HDGFL3: variants seen among roughly 807,000 people sequenced by gnomAD.
HDGFL3 encodes hepatoma-derived growth factor-related protein 3.
HDGFL3 carries 6 observed loss-of-function variants against 27.6 expected under a neutral mutation model. The ratio of observed to expected loss-of-function variants is 0.22; its 90% confidence interval spans 0.12 to 0.43. The LOEUF is 0.43. HDGFL3 is among the 20% of genes least tolerant of loss of function. The pLI is 1.00. For synonymous variants in HDGFL3, 88 were observed against 88.9 expected (o/e 0.99, Z 0.05); for missense variants, 207 against 250.1 (o/e 0.83, Z 1.16).
intron 2 of HDGFL3, among the ~76,000 whole-genome samples, chr15:83,161,433 T>G (rs2037099926): frequency 6.6e-6 from 1 of 152,192 alleles, no homozygotes; most frequent in Non-Finnish European, 1.5e-5. Context: ...AGTGCTGGTA[T>G]TACAGGCATG....
At chr15:83,125,598 C>T (rs1452169332), downstream of HDGFL3, among the ~76,000 whole-genome samples, 1 of 152,174 alleles carries the variant, frequency 6.6e-6, no homozygotes, top group Non-Finnish European at 1.5e-5. Flanking sequence ...TGATCCTTCA[C>T]AATGCCCCAA....
At chr15:83,123,036 A>G (rs1470914696), downstream of HDGFL3, among the ~76,000 whole-genome samples, 1 of 152,200 alleles carries the variant, frequency 6.6e-6, no homozygotes. Context: ...TTACGTATTA[A>G]TTAATGTAGG....
intron 1 of HDGFL3, among the ~76,000 whole-genome samples, chr15:83,203,347 G>C (rs564389873): frequency 6.6e-6 from 1 of 152,066 alleles, no homozygotes; most frequent in African/African-American, 2.4e-5. Context: ...TATGCAAGTT[G>C]ACACTATTAA....
rs138790260 is a variant in HDGFL3 at position 83,144,465 on chromosome 15, G to C, written c.607-5190C>G. On this transcript the variant is annotated intron_variant, in intron 5 of 5. Transcript: ENST00000299633. ...TTCTGAGATTAGGTTACAAAAGACTGACTTCTGTTTGCCAGCACTCTCTCT... is the reference window on the plus strand; with the variant it reads ...TTCTGAGATTAGGTTACAAAAGACTCACTTCTGTTTGCCAGCACTCTCTCT... The C allele has an allele frequency of 3.1e-5, 14 of 456,096 alleles. No homozygotes were observed. In the East Asian group the frequency reaches 9.7e-4, roughly 32 times the overall value. The allele number at this position is 456,096 out of a possible 1,614,324, so 28.3% of individuals were successfully genotyped here. A position where few individuals can be genotyped will look rare whatever the true frequency, so the allele number is the denominator to read the frequency against.
intron 1 of HDGFL3, among the ~76,000 whole-genome samples, chr15:83,177,999 TTCA>T (rs1241780457): frequency 6.6e-6 from 1 of 152,236 alleles, no homozygotes; most frequent in Non-Finnish European, 1.5e-5. Context: ...ATTAGTTTTG[TTCA>T]TCAAGTATCT....
At chr15:83,178,828 T>G (rs1381340881) in intron 1 of HDGFL3, among the ~76,000 whole-genome samples, 3 of 152,214 alleles carry the variant, frequency 2.0e-5, no homozygotes, top group African/African-American at 7.2e-5. Flanking sequence ...AGTGATTAAT[T>G]CTTCTCTGAT....
chr15:83,149,129 G>C (rs1314387769), intron 5 of HDGFL3, among the ~76,000 whole-genome samples: 2 of 152,006 alleles, frequency 1.3e-5, no homozygotes, highest in African/African-American at 4.8e-5. Flanking sequence ...TGTGATCCTA[G>C]GCCAATTCTT....
At chr15:83,169,258 A>G (rs1284230294) in intron 1 of HDGFL3, 3 of 442,336 alleles carry the variant, frequency 6.8e-6, no homozygotes, top group South Asian at 3.2e-5. Context: ...CTGGAATGCC[A>G]GTCAGAACAA....
chr15:83,155,153 T>C lies in HDGFL3; in HGVS notation c.459+2262A>G, dbSNP rs193035193. On this transcript the variant is annotated intron_variant, in intron 4 of 5. Coordinates refer to ENST00000299633, the MANE Select transcript of HDGFL3 (RefSeq NM_016073.4). ...GTGTTGGGATTATAGGTATGAGCCA[T>C]TGTGACCAGCCAAAAGGCTATTAAA... Among the ~76,000 whole-genome samples the C allele has an allele frequency of 8.4e-4, 128 of 152,352 alleles. 1 individual carries two copies. The highest frequency in any genetic ancestry group is 3.0e-3 in the African/African-American group (126 of 41,598).
intron 5 of HDGFL3, among the ~76,000 whole-genome samples, chr15:83,150,084 A>G (rs2036945450): frequency 6.6e-6 from 1 of 152,146 alleles, no homozygotes; most frequent in African/African-American, 2.4e-5. Context: ...CTCCTACCTA[A>G]TGTTGATGCT....
chr15:83,113,865 G>C (rs971834289), exon 4 of HDGFL3: 2 of 152,272 alleles, frequency 1.3e-5, no homozygotes, highest in African/African-American at 4.8e-5. Flanking sequence ...GCTGAGATGA[G>C]GCATAGGGCC....
At chr15:83,165,002 T>A (rs2037152534) in intron 1 of HDGFL3, among the ~76,000 whole-genome samples, 1 of 152,200 alleles carries the variant, frequency 6.6e-6, no homozygotes, top group Non-Finnish European at 1.5e-5. Flanking sequence ...ATTACAAAAG[T>A]GAGTATTTAC....
At chr15:83,160,243 CT>C (rs1436151713) in intron 2 of HDGFL3, among the ~76,000 whole-genome samples, 1 of 151,440 alleles carries the variant, frequency 6.6e-6, no homozygotes, top group Non-Finnish European at 1.5e-5. Flanking sequence ...CTGGAGTGCA[CT>C]GGCACGATCT....
At chr15:83,122,798 A>G (rs562369207), downstream of HDGFL3, 3 of 1,614,082 alleles carry the variant, frequency 1.9e-6, no homozygotes, top group South Asian at 1.1e-5. Flanking sequence ...TTTCTTAAGC[A>G]TACCATATAC....
exon 4 of HDGFL3, chr15:83,115,268 C>T (rs1344166468): frequency 4.6e-6 from 1 of 218,394 alleles, no homozygotes; most frequent in Non-Finnish European, 9.2e-6. Flanking sequence ...CAGGCGTGCA[C>T]CACCACACCC....
At chr15:83,198,966 C>A (rs1007828707) in intron 1 of HDGFL3, among the ~76,000 whole-genome samples, 1 of 152,078 alleles carries the variant, frequency 6.6e-6, no homozygotes, top group African/African-American at 2.4e-5. Context: ...TGCATGTGCA[C>A]GTACTGGGAT....
Position 83,157,896 on chromosome 15 carries a change from C to A in HDGFL3, c.300+7G>T, listed in dbSNP as rs371286901. Reference sequence around the variant, plus strand: ...ATATAGCAAGTGACAAGGAAGTAAACCATTACCTGGTAGCCAGTAAACTTT... The same window carrying A: ...ATATAGCAAGTGACAAGGAAGTAAAACATTACCTGGTAGCCAGTAAACTTT... On this transcript the variant is annotated splice_region_variant and intron_variant, in intron 3 of 5. Coordinates refer to ENST00000299633, the MANE Select transcript of HDGFL3 (RefSeq NM_016073.4). The A allele has an allele frequency of 1.2e-6, 2 of 1,609,702 alleles. No individual in the cohort carries two copies. Among genetic ancestry groups the A allele is most frequent in the Non-Finnish European group, 1.7e-6 (2 of 1,178,234 alleles).
At chr15:83,172,164 C>A (rs1324702406) in intron 1 of HDGFL3, among the ~76,000 whole-genome samples, 1 of 152,110 alleles carries the variant, frequency 6.6e-6, no homozygotes, top group East Asian at 1.9e-4. Flanking sequence ...GCCTTGAGGG[C>A]TTCTCTGTCA....
chr15:83,122,930 TCGCATCCACTGGC>T, downstream of HDGFL3: 1 of 1,601,178 alleles, frequency 6.2e-7, no homozygotes, highest in East Asian at 2.2e-5. Flanking sequence ...TAGGGTTCTT[TCGCATCCACTGGC>T]CACTGAATTG....
Sources: allele counts gnomAD v4.1 joint callset (sites outside exome capture counted in the v4.1 genomes callset), GRCh38; gene constraint gnomAD v4.1.1; transcripts MANE v1.5; gene names NCBI Gene and HGNC (gene_info 2026-07-23, HGNC 2026-07-21).